Variants in TMEM237 observed in about 807,000 individuals in gnomAD.
The protein encoded by TMEM237 is amyotrophic lateral sclerosis 2 (juvenile) chromosome region, candidate 4.
A neutral mutation model predicts 59.1 loss-of-function variants in TMEM237; 51 were observed. The ratio of observed to expected loss-of-function variants is 0.86; its 90% CI spans 0.69 to 1.09. The LOEUF (loss-of-function observed/expected upper bound fraction) is 1.09. Ranked by LOEUF, TMEM237 falls within the 50% of genes least tolerant of loss-of-function variation. The probability of loss-of-function intolerance (pLI) is 0.00; values close to 1 mark genes in which losing one functional copy is unlikely to be tolerated. For synonymous variants in TMEM237, 140 were observed against 166.1 expected, an observed-to-expected ratio of 0.84 and a Z score of 1.21; for missense variants, 475 against 478.3, an observed-to-expected ratio of 0.99 and a Z score of 0.06.
At chr2:201,641,119 G>A (rs1297563749) in intron 1 of TMEM237, among the ~76,000 whole-genome samples, 195 bp from the exon 2 acceptor site, 1 of 151,982 alleles carries the variant, frequency 6.6e-6, no homozygotes, top group Non-Finnish European at 1.5e-5. Flanking sequence ...AGCCTCCCAA[G>A]TAGCTGGGAT....
intron 1 of TMEM237, among the ~76,000 whole-genome samples, chr2:201,641,890 A>C (rs1280322251): frequency 6.6e-6 from 1 of 152,168 alleles, no homozygotes; most frequent in African/African-American, 2.4e-5. Context: ...AGGTAAAAGG[A>C]CAGCAAGGCT....
intron 9 of TMEM237, 136 bp downstream of exon 9, chr2:201,629,094 T>C (rs1372032418): frequency 1.1e-5 from 6 of 568,970 alleles, no homozygotes; most frequent in Non-Finnish European, 1.4e-5. Flanking sequence ...AGAACAGAAG[T>C]AGACTGGCCT....
chr2:201,627,338 A>T lies in TMEM237; in HGVS notation c.1020T>A (p.Ser340=), dbSNP rs1957768417. The change falls in exon 11 of 13, where the codon TCT becomes TCA. Residue 340 remains serine (S), a synonymous_variant. Transcript: ENST00000409883. ...SDRIHLYTPS[S]VNGSLWEAGI... The stretch of plus-strand genomic sequence containing the variant: ...ATTCTTACCAGAGGCTACCATTAAC[A>T]GAAGAAGGTGTGTAAAGGTGGATTC... 1 of 1,607,412 alleles carries T rather than the reference A, an allele frequency of 6.2e-7. No individual in the cohort carries two copies. The highest frequency in any genetic ancestry group is 1.3e-5 in the African/African-American group (1 of 74,896).
Position 201,623,666 on chromosome 2 carries a change from C to A in TMEM237, c.*589G>T, listed in dbSNP as rs1263053261. ...ATAATGAGAAGCAACTTTTTAGTTA[C>A]TTCTAGGTAAAAAATTTAGGTTATA... On this transcript the variant is annotated 3_prime_UTR_variant, in exon 13 of 13. Coordinates refer to ENST00000409883, the MANE Select transcript of TMEM237 (RefSeq NM_001044385.3). 6.6e-6 allele frequency: 1 copy of A among 152,372 alleles called. No individual in the cohort carries two copies. Among genetic ancestry groups the A allele is most frequent in the Non-Finnish European group, 1.5e-5 (1 of 68,162 alleles). The allele number at this position is 152,372 out of a possible 1,614,324, so 9.4% of individuals were successfully genotyped here.
At position 201,622,086 on chromosome 2, in the gene TMEM237, C is replaced by G. The variant is rs954457440; in HGVS notation, c.*2169G>C. On this transcript the variant is annotated 3_prime_UTR_variant, in exon 13 of 13. Coordinates refer to ENST00000409883, the MANE Select transcript of TMEM237 (RefSeq NM_001044385.3). ...GACTTGTACAGGGCCACTAGCTGCT[C>G]AGGTTTATATGCCTCCTGGGTCATT... 1 of 152,176 alleles carries G rather than the reference C, an allele frequency of 6.6e-6. No homozygotes were observed. Among genetic ancestry groups the G allele is most frequent in the Non-Finnish European group, 1.5e-5 (1 of 68,042 alleles). The allele number at this position is 152,176 out of a possible 1,614,324, so 9.4% of individuals were successfully genotyped here.
At chr2:201,639,835 C>A (rs1376151803) in intron 3 of TMEM237, among the ~76,000 whole-genome samples, 2 of 152,044 alleles carry the variant, frequency 1.3e-5, no homozygotes, top group African/African-American at 4.8e-5. Flanking sequence ...ATTGCTATAT[C>A]AATAGTAAAA....
At chr2:201,642,684 T>C (rs1687450936) in intron 1 of TMEM237, 2 of 1,599,448 alleles carry the variant, frequency 1.3e-6, no homozygotes, top group Non-Finnish European at 1.7e-6. Flanking sequence ...GCCCCACCCC[T>C]CCCGGCTCGG....
In TMEM237 at chr2:201,629,734, A is replaced by C. The variant is rs2105899171; in HGVS notation, c.672T>G (p.Ala224=). 1.3e-6 allele frequency: 2 copies of C among 1,592,358 alleles called. No homozygotes were observed. ...AGTCCAACAAAAGCAGCCACCTGAA[A>C]GCCCGGTGCACTGTAAGTGCCACAT... ...TRDVALTVHR[A]FRMIGLFSHG... Residue 224 remains alanine (A), a synonymous_variant, in exon 8 of 13, where the codon GCT becomes GCG. Transcript: ENST00000409883.
In TMEM237 at chr2:201,629,831, C is replaced by G. The variant is rs186216206; in HGVS notation, c.575G>C (p.Arg192Pro). Reference protein sequence around the residue: ...EKSRRFQAADRSELIKTTENI... With the variant: ...EKSRRFQAADPSELIKTTENI... ...TTCTGTGGTCTTTATCAACTCTGAA[C>G]GATCAGCAGCCTGGAATCTCCCTAA... Residue 192 changes from arginine (R) to proline (P), a missense_variant, in exon 8 of 13, where the codon CGT becomes CCT. Physicochemically the swap from Arg to Pro is moderately radical, Grantham distance 103. Coordinates refer to ENST00000409883, the MANE Select transcript of TMEM237 (RefSeq NM_001044385.3). The G allele has an allele frequency of 6.2e-7, 1 of 1,612,676 alleles. No homozygotes were observed. The highest frequency in any genetic ancestry group is 8.5e-7 in the Non-Finnish European group (1 of 1,179,602).
At position 201,643,135 on chromosome 2, in the gene TMEM237, TGC is replaced by T. The variant is rs1483298353; in HGVS notation, c.42+222_42+223del. On this transcript the variant is annotated intron_variant, in intron 1 of 12. Transcript: ENST00000409883. The surrounding 1 kb of genome is among the most constrained non-coding windows in gnomAD (Gnocchi z 4.3). ...CGGGCTCAGGTCCCCGCAAACTTCA[TGC>T]CAGGCCTCTCTCTCCCACTCCGGGA... 2.6e-5 allele frequency among the ~76,000 whole-genome samples: 4 copies of T among 151,964 alleles called. No individual in the cohort carries two copies.
At chr2:201,642,824 C>CA (rs1687457616) in intron 1 of TMEM237, 1 of 1,347,710 alleles carries the variant, frequency 7.4e-7, no homozygotes, top group East Asian at 3.1e-5. Flanking sequence ...CTAGCCCTGC[C>CA]AAAAAGGGGG....
chr2:201,636,375 G>C (rs1402716548), intron 5 of TMEM237: 2 of 168,174 alleles, frequency 1.2e-5, no homozygotes, highest in African/African-American at 2.4e-5. Context: ...CTGGGACATA[G>C]AAAGACTAAA....
chr2:201,625,863 TG>T (rs978556081), intron 12 of TMEM237, among the ~76,000 whole-genome samples, 162 bp downstream of exon 12: 6 of 152,190 alleles, frequency 3.9e-5, no homozygotes, highest in Admixed American at 1.3e-4. Context: ...CTGCTTCTCT[TG>T]GCATTCTGTT....
At chr2:201,633,520 A>C in intron 5 of TMEM237, 89 bp from the exon 6 acceptor site, 1 of 1,090,446 alleles carries the variant, frequency 9.2e-7, no homozygotes, top group Non-Finnish European at 1.2e-6. Flanking sequence ...AAAGAACTTC[A>C]AGAATTTTAA....
chr2:201,631,894 T>C (rs944907944), intron 7 of TMEM237, among the ~76,000 whole-genome samples, 157 bp downstream of exon 7: 2 of 152,228 alleles, frequency 1.3e-5, no homozygotes, highest in Admixed American at 6.5e-5. Flanking sequence ...TGTTTCCAGT[T>C]TTTCACTCTC....
rs1687474697 is a variant in TMEM237 at position 201,643,393 on chromosome 2, GTCC to G, written c.5_7del (p.Arg2del). The G allele has an allele frequency of 1.3e-6, 2 of 1,539,920 alleles. No homozygotes were observed. Among genetic ancestry groups the G allele is most frequent in the East Asian group, 5.1e-5 (2 of 39,294 alleles). The stretch of plus-strand genomic sequence containing the variant: ...CTCCTCCAGCCGAGCCCCCGAGTCA[GTCC>G]TCATGGTGCTCTCCCCGCGGGGCTG... On this transcript the variant is annotated inframe_deletion, in exon 1 of 13. Coordinates refer to ENST00000409883, the MANE Select transcript of TMEM237 (RefSeq NM_001044385.3). The surrounding 1 kb of genome is among the most constrained non-coding windows in gnomAD (Gnocchi z 4.3).
Position 201,628,100 on chromosome 2 carries a change from C to T in TMEM237, c.919G>A (p.Asp307Asn). ...CAGAAAGATGCTAAAGCTGTAGGAT[C>T]CAGGGCCAAAAAATTTCGGATTGCT... ...SVAIRNFLAL[D>N]PTALASFLYF... The change falls in exon 10 of 13, where the codon GAT (aspartate) becomes AAT (asparagine). Residue 307 changes from aspartate to asparagine, a missense_variant. Physicochemically the swap from Asp to Asn is conservative, Grantham distance 23. Transcript: ENST00000409883. 1.2e-6 allele frequency: 2 copies of T among 1,608,134 alleles called. No individual in the cohort carries two copies. The highest frequency in any genetic ancestry group is 1.7e-6 in the Non-Finnish European group (2 of 1,177,202).
intron 9 of TMEM237, among the ~76,000 whole-genome samples, 168 bp downstream of exon 9, chr2:201,629,062 A>G (rs778963109): frequency 2.0e-5 from 3 of 152,236 alleles, no homozygotes; most frequent in Non-Finnish European, 4.4e-5. Flanking sequence ...TTTTGTTTAC[A>G]ATGGTCTCAT....
At chr2:201,641,756 A>G (rs1574588361) in intron 1 of TMEM237, among the ~76,000 whole-genome samples, 2 of 151,868 alleles carry the variant, frequency 1.3e-5, no homozygotes, top group South Asian at 4.2e-4. Context: ...GTAATGAATG[A>G]AGGAGACTGA....
Sources: gnomAD v4.1 joint callset for allele counts (sites outside exome capture counted in the v4.1 genomes callset) on GRCh38, gnomAD v4.1.1 for gene constraint, Gnocchi (gnomAD v3.1) non-coding constraint, MANE v1.5 for transcripts, NCBI Gene and HGNC (gene_info 2026-07-23, HGNC 2026-07-21) for gene names.